The following STK32B variants were observed in gnomAD, a reference collection of about 807,000 sequenced individuals.
STK32B encodes serine/threonine kinase 32B, also known as serine/threonine-protein kinase 32B.
In STK32B, 43 loss-of-function variants were observed where a neutral mutation model predicts 52.6. The observed-to-expected ratio is 0.82, with a 90% CI of 0.64 to 1.05. STK32B has a LOEUF of 1.05. STK32B is among the 50% of genes least tolerant of loss of function. STK32B has a pLI of 0.00. For missense variants in STK32B, 621 were observed against 534.6 expected, an observed-to-expected ratio of 1.16 and a Z score of -1.59; for synonymous variants, 238 against 204.3, an observed-to-expected ratio of 1.17 and a Z score of -1.41.
chr4:5,097,268 T>C (rs1373770070), intron 1 of STK32B, among the ~76,000 whole-genome samples: 1 of 152,202 alleles, frequency 6.6e-6, no homozygotes, highest in Non-Finnish European at 1.5e-5. Flanking sequence ...TCATGTTTAT[T>C]GAATGAATGA....
intron 4 of STK32B, among the ~76,000 whole-genome samples, chr4:5,385,095 T>G (rs1357053376): frequency 6.6e-6 from 1 of 151,648 alleles, no homozygotes; most frequent in Non-Finnish European, 1.5e-5. Context: ...ACGGGTGACG[T>G]GATGGCCCCA....
intron 4 of STK32B, among the ~76,000 whole-genome samples, chr4:5,348,383 C>T (rs946032630): frequency 6.6e-6 from 1 of 152,184 alleles, no homozygotes; most frequent in Non-Finnish European, 1.5e-5. Context: ...CACCAGACTG[C>T]ATTCTTCCCT....
the STK32B span, among the ~76,000 whole-genome samples, chr4:5,024,089 G>A: frequency 6.6e-6 from 1 of 152,124 alleles, no homozygotes; most frequent in Admixed American, 6.5e-5. Context: ...AGTCACTAAG[G>A]AATTATCTCT....
At chr4:5,081,932 G>A (rs1177551041) in intron 1 of STK32B, among the ~76,000 whole-genome samples, 1 of 152,168 alleles carries the variant, frequency 6.6e-6, no homozygotes, top group African/African-American at 2.4e-5. Context: ...TGGAAGAATT[G>A]TGTTTTCTTA....
the STK32B span, among the ~76,000 whole-genome samples, chr4:5,038,881 T>A: frequency 1.2e-4 from 19 of 152,144 alleles, no homozygotes; most frequent in East Asian, 2.9e-3. Flanking sequence ...TTACTATAAC[T>A]TTTTTTACTT....
intron 1 of STK32B, among the ~76,000 whole-genome samples, chr4:5,069,175 G>A (rs948158801): frequency 6.7e-6 from 1 of 148,958 alleles, no homozygotes; most frequent in Non-Finnish European, 1.5e-5. Context: ...TTAGTTCAAG[G>A]TAATGGCAGG....
intron 7 of STK32B, among the ~76,000 whole-genome samples, chr4:5,454,709 T>A (rs1344536273): frequency 6.6e-6 from 1 of 152,064 alleles, no homozygotes; most frequent in Non-Finnish European, 1.5e-5. Context: ...GTGCCTCGGT[T>A]TTGTCTTCTG....
chr4:5,314,530 C>T (rs1438605907), intron 3 of STK32B, among the ~76,000 whole-genome samples: 3 of 152,136 alleles, frequency 2.0e-5, no homozygotes, highest in Non-Finnish European at 4.4e-5. Flanking sequence ...GTTAGCTGGG[C>T]ATGGTGACAG....
chr4:5,369,495 C>G (rs537372046), intron 4 of STK32B, among the ~76,000 whole-genome samples: 1 of 152,206 alleles, frequency 6.6e-6, no homozygotes, highest in South Asian at 2.1e-4. Context: ...AGCCAGGGGA[C>G]AGAATGCAAA....
intron 1 of STK32B, among the ~76,000 whole-genome samples, chr4:5,109,489 T>G (rs1034296882): frequency 6.6e-6 from 1 of 152,112 alleles, no homozygotes; most frequent in African/African-American, 2.4e-5. Context: ...CATGTCCACA[T>G]GAACAGAATT....
chr4:5,488,618 T>G (rs1015432605), intron 11 of STK32B, among the ~76,000 whole-genome samples: 2 of 152,182 alleles, frequency 1.3e-5, no homozygotes, highest in Non-Finnish European at 2.9e-5. Context: ...TGACATGCCT[T>G]AAATATTCTG....
Position 5,398,468 on chromosome 4 carries a change from C to T in STK32B, c.472+224C>T, listed in dbSNP as rs1737066599. Reference sequence around the variant, plus strand: ...TATTTAAACTGTTCGCATCTGAAGTCATTGCTGTTCATATCCCCGTGTGAG... The same window carrying T: ...TATTTAAACTGTTCGCATCTGAAGTTATTGCTGTTCATATCCCCGTGTGAG... On this transcript the variant is annotated intron_variant, in intron 5 of 11. Coordinates refer to ENST00000282908, the MANE Select transcript of STK32B (RefSeq NM_018401.3). The surrounding 1 kb of genome is among the most constrained non-coding windows in gnomAD (Gnocchi z 4.9). Among the ~76,000 whole-genome samples, 1 of 152,160 alleles carries T rather than the reference C, an allele frequency of 6.6e-6. No homozygotes were observed. The highest frequency in any genetic ancestry group is 1.5e-5 in the Non-Finnish European group (1 of 68,028).
chr4:5,027,657 A>G, the STK32B span, among the ~76,000 whole-genome samples: 3 of 152,180 alleles, frequency 2.0e-5, no homozygotes, highest in Non-Finnish European at 1.5e-5. Context: ...CTTTCTGGTT[A>G]TCAACCCTGT....
chr4:5,150,791 G>C (rs1322013524), intron 2 of STK32B, among the ~76,000 whole-genome samples: 1 of 152,116 alleles, frequency 6.6e-6, no homozygotes, highest in Non-Finnish European at 1.5e-5. Context: ...AGTGAAGTTA[G>C]GAGGTTTGCC....
the STK32B span, among the ~76,000 whole-genome samples, chr4:5,031,504 C>T: frequency 4.6e-5 from 7 of 151,672 alleles, no homozygotes; most frequent in East Asian, 3.9e-4. Context: ...GAGGCTGAGG[C>T]GGGAGGATCA....
intron 3 of STK32B, among the ~76,000 whole-genome samples, chr4:5,229,727 A>G (rs780137878): frequency 1.2e-4 from 18 of 152,172 alleles, no homozygotes; most frequent in Non-Finnish European, 2.1e-4. Context: ...AAAATTATAT[A>G]TAATTTTCTG....
In STK32B at chr4:5,399,418, A is replaced by G. The variant is rs372766776; in HGVS notation, c.472+1174A>G. 6.6e-4 allele frequency among the ~76,000 whole-genome samples: 100 copies of G among 152,162 alleles called. No homozygotes were observed. The highest frequency in any genetic ancestry group is 3.4e-3 in the Middle Eastern group (1 of 294). Reference sequence around the variant, plus strand: ...TCCTAACCTCATAGTGTGCATCCCTATGTACAGGAGTGGTGGATGGGACCA... The same window carrying G: ...TCCTAACCTCATAGTGTGCATCCCTGTGTACAGGAGTGGTGGATGGGACCA... On this transcript the variant is annotated intron_variant, in intron 5 of 11. Transcript: ENST00000282908. This position sits in a 1 kb window ranked among gnomAD's most constrained non-coding sequence, Gnocchi z 5.4.
intron 3 of STK32B, among the ~76,000 whole-genome samples, chr4:5,230,396 GC>G (rs1330250373): frequency 1.3e-5 from 2 of 151,640 alleles, no homozygotes; most frequent in Non-Finnish European, 2.9e-5. Flanking sequence ...CACCATATTA[GC>G]CAGGCTGGTA....
the STK32B span, chr4:5,019,510 G>T: frequency 7.2e-7 from 1 of 1,388,818 alleles, no homozygotes; most frequent in South Asian, 1.6e-5. Flanking sequence ...GGTCCAGGGC[G>T]GCTCCACGCC....
Sources: gnomAD v4.1 joint callset for allele counts (sites outside exome capture counted in the v4.1 genomes callset) on GRCh38, gnomAD v4.1.1 for gene constraint, Gnocchi (gnomAD v3.1) non-coding constraint, MANE v1.5 for transcripts, NCBI Gene and HGNC (gene_info 2026-07-23, HGNC 2026-07-21) for gene names.